The following PAN3 variants were observed in gnomAD, a reference collection of about 807,000 sequenced individuals.
PAN3 encodes the protein PAN2-PAN3 deadenylation complex subunit PAN3.
A neutral mutation model predicts 96.2 loss-of-function variants in PAN3; 19 were observed. The ratio of observed to expected loss-of-function variants is 0.20; its 90% CI spans 0.14 to 0.29. The LOEUF (loss-of-function observed/expected upper bound fraction) is 0.29. Among genes scored for constraint, PAN3 ranks in the 10% least tolerant of loss-of-function variants. The pLI is 1.00. For missense variants in PAN3, 882 were observed against 1,108.1 expected (o/e 0.80, Z 2.90); for synonymous variants, 433 against 406.6 (o/e 1.06, Z -0.78).
intron 4 of PAN3, among the ~76,000 whole-genome samples, chr13:28,183,395 G>T (rs1593426585): frequency 6.6e-6 from 1 of 152,120 alleles, no homozygotes; most frequent in African/African-American, 2.4e-5. Flanking sequence ...CCAAATTAAT[G>T]CCCTCAGAAC....
chr13:28,176,587 G>A (rs776138498), intron 3 of PAN3, 28 bp downstream of exon 3: 12 of 1,595,534 alleles, frequency 7.5e-6, no homozygotes, highest in Non-Finnish European at 1.0e-5. Flanking sequence ...TTGCTTATGT[G>A]TGTCTGTGTA....
At chr13:28,194,436 ACATATATATGTATG>A (rs1877723659) in intron 4 of PAN3, among the ~76,000 whole-genome samples, 1 of 142,382 alleles carries the variant, frequency 7.0e-6, no homozygotes, top group African/African-American at 2.7e-5. Context: ...GTGTATATAT[ACATATATATGTATG>A]TATATATATA....
chr13:28,242,070 A>C (rs1378877737), intron 6 of PAN3, among the ~76,000 whole-genome samples: 1 of 152,244 alleles, frequency 6.6e-6, no homozygotes, highest in Admixed American at 6.5e-5. Flanking sequence ...AGTAACACAT[A>C]CTAGAGTAAT....
chr13:28,163,196 A>G (rs1258089372), intron 1 of PAN3, among the ~76,000 whole-genome samples: 1 of 152,186 alleles, frequency 6.6e-6, no homozygotes, highest in African/African-American at 2.4e-5. Flanking sequence ...AAAATAATAA[A>G]AAATAAATTC....
intron 5 of PAN3, chr13:28,215,332 A>G (rs1337047145): frequency 2.3e-5 from 17 of 745,398 alleles, no homozygotes; most frequent in Non-Finnish European, 3.5e-5. Context: ...GGTGTTCTCA[A>G]ACCCGTTATG....
chr13:28,198,809 TTC>T (rs1216010357), intron 5 of PAN3, among the ~76,000 whole-genome samples: 14 of 152,212 alleles, frequency 9.2e-5, no homozygotes, highest in African/African-American at 3.1e-4. Context: ...TTGGTTTTAT[TTC>T]TGTTTCCAAC....
chr13:28,194,466 A>ATATATATATTTTTTTTTT (rs1429166016), intron 4 of PAN3, among the ~76,000 whole-genome samples: 1 of 122,132 alleles, frequency 8.2e-6, no homozygotes, highest in African/African-American at 3.6e-5. Flanking sequence ...ATATATATAT[A>ATATATATATTTTTTTTTT]TTTTTTTTTT....
At chr13:28,277,459 G>T in intron 15 of PAN3, 83 bp downstream of exon 15, 1 of 1,387,106 alleles carries the variant, frequency 7.2e-7, no homozygotes. Context: ...GATTGTTTTG[G>T]TTCCCACTAT....
At chr13:28,221,259 TATC>T (rs1230003382) in intron 6 of PAN3, among the ~76,000 whole-genome samples, 11 of 152,054 alleles carry the variant, frequency 7.2e-5, no homozygotes, top group Admixed American at 2.0e-4. Context: ...AGCAGATTGG[TATC>T]TTATGTTTGT....
chr13:28,142,133 A>G (rs549968320), intron 1 of PAN3, among the ~76,000 whole-genome samples: 1 of 152,204 alleles, frequency 6.6e-6, no homozygotes, highest in East Asian at 1.9e-4. Context: ...ATGGATGGAG[A>G]TTTCTTCATA....
chr13:28,258,767 A>G (rs893284945), intron 7 of PAN3, among the ~76,000 whole-genome samples: 1 of 152,180 alleles, frequency 6.6e-6, no homozygotes, highest in African/African-American at 2.4e-5. Context: ...CCGGACGCCC[A>G]CAGATAGCAA....
intron 6 of PAN3, among the ~76,000 whole-genome samples, chr13:28,224,558 A>G (rs1305772588): frequency 6.6e-6 from 1 of 152,234 alleles, no homozygotes; most frequent in Non-Finnish European, 1.5e-5. Context: ...ATTTGTCAAT[A>G]TTCATTCCTT....
chr13:28,249,637 AC>A (rs1172218163), intron 6 of PAN3, among the ~76,000 whole-genome samples: 2 of 151,896 alleles, frequency 1.3e-5, no homozygotes, highest in Non-Finnish European at 2.9e-5. Flanking sequence ...TTTAGTAGAG[AC>A]GGGGTTTCAC....
chr13:28,167,616 C>T (rs1296044645), intron 1 of PAN3, among the ~76,000 whole-genome samples: 1 of 148,006 alleles, frequency 6.8e-6, no homozygotes, highest in Non-Finnish European at 1.5e-5. Context: ...GCAGGTGGAT[C>T]ACTCGGGCTC....
At chr13:28,177,360 A>G (rs551544024) in intron 3 of PAN3, among the ~76,000 whole-genome samples, 47 of 152,300 alleles carry the variant, frequency 3.1e-4, no homozygotes, top group African/African-American at 1.1e-3. Flanking sequence ...TTTAGTAATA[A>G]TATCAAACAT....
intron 6 of PAN3, 53 bp from the exon 7 acceptor site, chr13:28,256,239 T>C: frequency 6.5e-7 from 1 of 1,545,058 alleles, no homozygotes; most frequent in Non-Finnish European, 8.8e-7. Flanking sequence ...TCCAGACTTG[T>C]TCTCTAAAAC....
intron 5 of PAN3, among the ~76,000 whole-genome samples, chr13:28,198,455 G>A (rs535183861): frequency 6.6e-6 from 1 of 152,120 alleles, no homozygotes; most frequent in South Asian, 2.1e-4. Flanking sequence ...AACTTCAATA[G>A]TATGTTGTCA....
chr13:28,270,876 T>G lies in PAN3; in HGVS notation c.1958+10T>G. The stretch of plus-strand genomic sequence containing the variant: ...TAACTGGCAAAACAAGGTACTAGCA[T>G]TTTGAGTTTTGGTTTCTTTTATTGA... On this transcript the variant is annotated intron_variant, in intron 13 of 18. Coordinates refer to ENST00000380958, the MANE Select transcript of PAN3 (RefSeq NM_175854.8). The G allele has an allele frequency of 1.2e-6, 2 of 1,610,818 alleles. No homozygotes were observed. Among genetic ancestry groups the G allele is most frequent in the Non-Finnish European group, 1.7e-6 (2 of 1,177,924 alleles).
At chr13:28,174,235 A>T in intron 1 of PAN3, 37 bp from the exon 2 acceptor site, 1 of 1,587,524 alleles carries the variant, frequency 6.3e-7, no homozygotes, top group Non-Finnish European at 8.6e-7. Flanking sequence ...CATCCTCTGA[A>T]ATAATTTTAA....
Sources: gnomAD v4.1 joint callset for allele counts (sites outside exome capture counted in the v4.1 genomes callset) on GRCh38, gnomAD v4.1.1 for gene constraint, MANE v1.5 for transcripts, NCBI Gene and HGNC (gene_info 2026-07-23, HGNC 2026-07-21) for gene names.